PTGES3L: variants seen among roughly 807,000 people sequenced by gnomAD.
The protein encoded by PTGES3L is prostaglandin E synthase 3 like.
A neutral mutation model predicts 25.0 loss-of-function variants in PTGES3L; 17 were observed. That is an observed-to-expected ratio of 0.68 (90% CI 0.47 to 1.02). The LOEUF (loss-of-function observed/expected upper bound fraction) is 1.02, where lower values mean the gene tolerates loss of function less well. PTGES3L is among the 50% of genes least tolerant of loss of function. The pLI, the probability that PTGES3L is intolerant of heterozygous loss-of-function variation, is 0.00. For synonymous variants in PTGES3L, 59 were observed against 65.7 expected (o/e 0.90, Z 0.50); for missense variants, 202 against 197.5 (o/e 1.02, Z -0.14).
At position 42,970,674 on chromosome 17, in the gene PTGES3L, G is replaced by GCACACA. The variant is rs1482998381; in HGVS notation, c.379-333_379-332insTGTGTG. Among the ~76,000 whole-genome samples the GCACACA allele has an allele frequency of 3.0e-3, 319 of 105,690 alleles. 5 individuals carry two copies. The highest frequency in any genetic ancestry group is 9.5e-3 in the African/African-American group (291 of 30,630). 69.3% of individuals were successfully genotyped at this position (105,690 alleles called of 152,430 possible). A position where few individuals can be genotyped will look rare whatever the true frequency, so the allele number is the denominator to read the frequency against. Reference sequence around the variant, plus strand: ...CCCATGAAGTTGTCTGGCTTAACACGCGCACACACACACACACACACACAC... The same window carrying GCACACA: ...CCCATGAAGTTGTCTGGCTTAACACGCACACACGCACACACACACACACACACACAC... On this transcript the variant is annotated intron_variant, in intron 5 of 6. Transcript: ENST00000591916.
chr17:42,976,260 G>C (rs963167172), intron 4 of PTGES3L, among the ~76,000 whole-genome samples: 1 of 151,956 alleles, frequency 6.6e-6, no homozygotes, highest in Non-Finnish European at 1.5e-5. Flanking sequence ...CTGGGATTGT[G>C]AGCCACCTCT....
chr17:42,976,662 G>A (rs2049960366), intron 4 of PTGES3L, among the ~76,000 whole-genome samples: 1 of 152,120 alleles, frequency 6.6e-6, no homozygotes, highest in Non-Finnish European at 1.5e-5. Context: ...TTACAGGCGT[G>A]AGCCACCACA....
intron 4 of PTGES3L, among the ~76,000 whole-genome samples, chr17:42,977,072 C>T (rs1203921531): frequency 1.3e-5 from 2 of 152,082 alleles, no homozygotes; most frequent in Non-Finnish European, 2.9e-5. Flanking sequence ...AGGCAGATCA[C>T]CTGAGGTCTG....
At chr17:42,973,290 G>C (rs2049890266) in intron 4 of PTGES3L, among the ~76,000 whole-genome samples, 1 of 130,940 alleles carries the variant, frequency 7.6e-6, no homozygotes, top group East Asian at 2.3e-4. Flanking sequence ...GGGAGGTGAG[G>C]GGCGCCTCTG....
chr17:42,970,412 C>T (rs2049811799), intron 5 of PTGES3L, 70 bp from the exon 6 acceptor site: 2 of 1,583,628 alleles, frequency 1.3e-6, no homozygotes, highest in Non-Finnish European at 1.7e-6. Flanking sequence ...ATTGATGGTC[C>T]ATAGAAGAAT....
chr17:42,971,955 C>T (rs911577132), intron 4 of PTGES3L: 2 of 378,632 alleles, frequency 5.3e-6, no homozygotes, highest in Non-Finnish European at 4.9e-6. Context: ...TTTGGAAGGC[C>T]GAGGCAGGAG....
chr17:42,972,687 A>G (rs1430094296), intron 4 of PTGES3L, among the ~76,000 whole-genome samples: 7 of 152,026 alleles, frequency 4.6e-5, no homozygotes, highest in African/African-American at 1.4e-4. Context: ...TACACCTCCC[A>G]GCCGCCTGCC....
At position 42,969,084 on chromosome 17, in the gene PTGES3L, G is replaced by A. The variant is rs112992868; in HGVS notation, c.*64C>T. ...CCAAAGCGCTGACAAAGGCCTAGGC[G>A]CTAGCTTTCTAGAACAACTGGAAAA... On this transcript the variant is annotated 3_prime_UTR_variant, in exon 7 of 7. Transcript: ENST00000591916. 8.2e-4 allele frequency: 1,050 copies of A among 1,278,274 alleles called. 8 individuals carry two copies. In the African/African-American group the frequency reaches 0.012, roughly 14 times the overall value. The allele number at this position is 1,278,274 out of a possible 1,614,324, so 79.2% of individuals were successfully genotyped here.
intron 4 of PTGES3L, among the ~76,000 whole-genome samples, chr17:42,977,518 C>T (rs1235635494): frequency 2.0e-5 from 3 of 150,118 alleles, no homozygotes; most frequent in Admixed American, 1.3e-4. Context: ...GAAGGAGAAT[C>T]GCTTGAACCC....
At chr17:42,974,003 T>TAA (rs71157688) in intron 4 of PTGES3L, among the ~76,000 whole-genome samples, 60 of 145,464 alleles carry the variant, frequency 4.1e-4, no homozygotes, top group Admixed American at 9.0e-4. Flanking sequence ...AAAAATAAAT[T>TAA]AAAAAAAAAT....
intron 4 of PTGES3L, among the ~76,000 whole-genome samples, chr17:42,978,594 G>T (rs2050006457): frequency 6.6e-6 from 1 of 152,166 alleles, no homozygotes; most frequent in Non-Finnish European, 1.5e-5. Context: ...AATAGCTAAT[G>T]TATGCAGGAC....
intron 5 of PTGES3L, among the ~76,000 whole-genome samples, chr17:42,971,164 G>T (rs2049829273): frequency 6.6e-6 from 1 of 152,012 alleles, no homozygotes; most frequent in Non-Finnish European, 1.5e-5. Flanking sequence ...TCCAGAAGTG[G>T]TGGTGGGCAC....
chr17:42,971,877 G>A, intron 4 of PTGES3L, 181 bp from the exon 5 acceptor site: 2 of 588,396 alleles, frequency 3.4e-6, no homozygotes, highest in Non-Finnish European at 6.0e-6. Context: ...AGGCATGATA[G>A]AGTCTGAAAA....
intron 3 of PTGES3L, 34 bp downstream of exon 3, chr17:42,979,344 C>T: frequency 1.2e-6 from 2 of 1,614,174 alleles, no homozygotes; most frequent in East Asian, 4.5e-5. Flanking sequence ...AGCCCGGTTT[C>T]CATCCAAACC....
At chr17:42,976,401 C>T (rs1487911694) in intron 4 of PTGES3L, among the ~76,000 whole-genome samples, 3 of 151,508 alleles carry the variant, frequency 2.0e-5, no homozygotes, top group South Asian at 2.1e-4. Flanking sequence ...TTTTTTGAGA[C>T]GTTGTCTCGC....
intron 4 of PTGES3L, 197 bp from the exon 5 acceptor site, chr17:42,971,893 G>T: frequency 1.8e-6 from 1 of 562,918 alleles, no homozygotes; most frequent in Non-Finnish European, 3.2e-6. Context: ...GAAAATCTCA[G>T]AAGTCCTACC....
At chr17:42,974,013 T>TA (rs1488042076) in intron 4 of PTGES3L, among the ~76,000 whole-genome samples, 4 of 124,388 alleles carry the variant, frequency 3.2e-5, no homozygotes, top group African/African-American at 1.2e-4. Flanking sequence ...TAAAAAAAAA[T>TA]AAAAATAAAA....
intron 1 of PTGES3L, 42 bp from the exon 2 acceptor site, chr17:42,979,705 G>T (rs887177417): frequency 3.9e-5 from 63 of 1,597,862 alleles, no homozygotes; most frequent in Non-Finnish European, 5.2e-5. Flanking sequence ...GGTGGGAGAG[G>T]GAAGACTGAG....
chr17:42,973,508 T>C (rs1178020878), intron 4 of PTGES3L, among the ~76,000 whole-genome samples: 2 of 151,982 alleles, frequency 1.3e-5, no homozygotes, highest in African/African-American at 2.4e-5. Flanking sequence ...AACAGCTCAC[T>C]GAGAACGGGC....
Sources: allele counts gnomAD v4.1 joint callset (sites outside exome capture counted in the v4.1 genomes callset), GRCh38; gene constraint gnomAD v4.1.1; transcripts MANE v1.5; gene names NCBI Gene and HGNC (gene_info 2026-07-23, HGNC 2026-07-21).